Variants in FYN observed in about 807,000 individuals in gnomAD.
FYN encodes the protein tyrosine-protein kinase Fyn.
FYN carries 10 observed loss-of-function variants against 70.2 expected under a neutral mutation model. The observed-to-expected ratio is 0.14, with a 90% CI of 0.09 to 0.24. FYN has a LOEUF of 0.24. FYN is among the 10% of genes least tolerant of loss of function. The pLI is 1.00. For missense variants in FYN, 319 were observed against 673.1 expected, an observed-to-expected ratio of 0.47 and a Z score of 5.82; for synonymous variants, 236 against 248.6, an observed-to-expected ratio of 0.95 and a Z score of 0.48.
At chr6:111,723,428 A>G (rs1801045664) in intron 3 of FYN, among the ~76,000 whole-genome samples, 1 of 152,244 alleles carries the variant, frequency 6.6e-6, no homozygotes, top group Non-Finnish European at 1.5e-5. Context: ...TATAGAAGAG[A>G]CAGCACCATC....
intron 3 of FYN, among the ~76,000 whole-genome samples, chr6:111,731,398 A>G (rs1258361154): frequency 6.6e-6 from 1 of 152,150 alleles, no homozygotes; most frequent in Non-Finnish European, 1.5e-5. Flanking sequence ...CTGATCATTT[A>G]TCTGGTTATG....
chr6:111,810,706 C>A (rs951237390), intron 2 of FYN, among the ~76,000 whole-genome samples: 14 of 152,164 alleles, frequency 9.2e-5, no homozygotes, highest in Non-Finnish European at 1.9e-4. Context: ...TCCACACATG[C>A]CTACACACCC....
intron 2 of FYN, among the ~76,000 whole-genome samples, chr6:111,828,669 T>C (rs941703950): frequency 1.3e-5 from 2 of 152,222 alleles, no homozygotes; most frequent in Admixed American, 6.5e-5. Flanking sequence ...ACACATTCTA[T>C]ATGATCCACT....
intron 4 of FYN, 42 bp downstream of exon 4, chr6:111,719,763 G>A: frequency 6.3e-7 from 1 of 1,593,900 alleles, no homozygotes; most frequent in Non-Finnish European, 8.6e-7. Flanking sequence ...AGATTTAAGG[G>A]TGGCTGCCCC....
intron 2 of FYN, among the ~76,000 whole-genome samples, chr6:111,799,167 G>A (rs1771906417): frequency 6.6e-6 from 1 of 152,174 alleles, no homozygotes; most frequent in Non-Finnish European, 1.5e-5. Flanking sequence ...TTTAGGAAGG[G>A]TGATTCTAAA....
At chr6:111,828,354 C>A (rs1343210549) in intron 2 of FYN, among the ~76,000 whole-genome samples, 2 of 152,032 alleles carry the variant, frequency 1.3e-5, no homozygotes, top group Non-Finnish European at 2.9e-5. Context: ...AACAGTAGTT[C>A]CTTAAAAAAT....
chr6:111,719,895 AGTT>A lies in FYN; in HGVS notation c.154_156del (p.Asn52del). The A allele has an allele frequency of 6.2e-7, 1 of 1,614,118 alleles. No individual in the cohort carries two copies. The highest frequency in any genetic ancestry group is 8.5e-7 in the Non-Finnish European group (1 of 1,180,010). ...AGTCCTTGGCCCCCGGCTGCGTGGA[AGTT>A]GTTGTAGTTGGGGATGGAGGTCACA... On this transcript the variant is annotated inframe_deletion, in exon 4 of 14. Transcript: ENST00000354650.
At chr6:111,752,066 A>T (rs887883402) in intron 3 of FYN, among the ~76,000 whole-genome samples, 1 of 152,254 alleles carries the variant, frequency 6.6e-6, no homozygotes, top group Non-Finnish European at 1.5e-5. Flanking sequence ...CTGGATGTTT[A>T]TTACTAAGGC....
At chr6:111,793,424 T>C (rs1205338411) in intron 2 of FYN, among the ~76,000 whole-genome samples, 1 of 152,132 alleles carries the variant, frequency 6.6e-6, no homozygotes, top group Non-Finnish European at 1.5e-5. Flanking sequence ...CATCCCCAGA[T>C]GAGAAAGCCC....
At chr6:111,748,297 G>A (rs923715009) in intron 3 of FYN, among the ~76,000 whole-genome samples, 1 of 152,154 alleles carries the variant, frequency 6.6e-6, no homozygotes, top group Non-Finnish European at 1.5e-5. Context: ...CACAGGAAAC[G>A]GCTGCAGCTG....
rs527934732 is a variant in FYN, at chr6:111,773,118, A to G, written c.-12+7448T>C. Among the ~76,000 whole-genome samples the G allele has an allele frequency of 9.3e-4, 140 of 150,542 alleles. 1 individual carries two copies. The highest frequency in any genetic ancestry group is 3.3e-3 in the African/African-American group (135 of 41,098). ...TATAATTTATATATATAATTAGAAG[A>G]GGGAATAAAGCAAATGCTGCAAATG... On this transcript the variant is annotated intron_variant, in intron 3 of 13. Coordinates refer to ENST00000354650, the MANE Select transcript of FYN (RefSeq NM_002037.5).
chr6:111,694,267 T>A lies in FYN; in HGVS notation c.1273+108A>T. 1 of 1,401,144 alleles carries A rather than the reference T, an allele frequency of 7.1e-7. No individual in the cohort carries two copies. Among genetic ancestry groups the A allele is most frequent in the Non-Finnish European group, 9.9e-7 (1 of 1,012,922 alleles). The allele number at this position is 1,401,144 out of a possible 1,614,324, so 86.8% of individuals were successfully genotyped here. Reference sequence around the variant, plus strand: ...GTCCAAACCAAGCTGAAGAATGACATTTCAAGTATTTTCTGAAGGAAGGGA... The same window carrying A: ...GTCCAAACCAAGCTGAAGAATGACAATTCAAGTATTTTCTGAAGGAAGGGA... On this transcript the variant is annotated intron_variant, in intron 12 of 13. Coordinates refer to ENST00000354650, the MANE Select transcript of FYN (RefSeq NM_002037.5). This position sits in a 1 kb window ranked among gnomAD's most constrained non-coding sequence, Gnocchi z 5.0.
chr6:111,790,824 G>T (rs1011862454), intron 2 of FYN, among the ~76,000 whole-genome samples: 156 of 151,992 alleles, frequency 1.0e-3, no homozygotes, highest in African/African-American at 3.7e-3. Context: ...TCCATCAAAA[G>T]AATACCTAAT....
rs1461270797 is a variant in FYN at position 111,803,450 on chromosome 6, G to A, written c.-81-22815C>T. Among the ~76,000 whole-genome samples the A allele has an allele frequency of 2.0e-5, 3 of 152,014 alleles. No individual in the cohort carries two copies. In the East Asian group the frequency reaches 5.8e-4, roughly 29 times the overall value. ...TTATTCCTAAACTACTCTGAATTGA[G>A]GACTGCAAATTATAAAACTGATCAG... On this transcript the variant is annotated intron_variant, in intron 2 of 13. Coordinates refer to ENST00000354650, the MANE Select transcript of FYN (RefSeq NM_002037.5).
chr6:111,850,882 G>A lies in FYN; in HGVS notation c.-122-4253C>T, dbSNP rs552301945. On this transcript the variant is annotated intron_variant, in intron 1 of 13. Transcript: ENST00000354650. ...GGACCCAGCTCAGACAAGGCCCTCT[G>A]TTGTGGAGCATTCCTCATTGCCACG... 1.1e-4 allele frequency among the ~76,000 whole-genome samples: 16 copies of A among 152,328 alleles called. 1 individual carries two copies. The South Asian group carries it at 3.3e-3, about 32-fold the overall frequency.
chr6:111,837,488 T>G (rs1038150641), intron 2 of FYN, among the ~76,000 whole-genome samples: 1 of 152,192 alleles, frequency 6.6e-6, no homozygotes, highest in Non-Finnish European at 1.5e-5. Flanking sequence ...GACAGGTGCC[T>G]TCCCTCTTGC....
chr6:111,703,053 A>G lies in FYN; in HGVS notation c.548-19T>C. On this transcript the variant is annotated intron_variant, in intron 7 of 13. Transcript: ENST00000354650. The stretch of plus-strand genomic sequence containing the variant: ...TAGGCACCTGGTAAACGTGGAAAGC[A>G]TTAGCAGCTCCAATCATTTAGAGTA... 1 of 1,611,598 alleles carries G rather than the reference A, an allele frequency of 6.2e-7. No individual in the cohort carries two copies. Among genetic ancestry groups the G allele is most frequent in the Non-Finnish European group, 8.5e-7 (1 of 1,178,870 alleles).
chr6:111,699,608 A>C, intron 9 of FYN: 1 of 1,614,182 alleles, frequency 6.2e-7, no homozygotes, highest in African/African-American at 1.3e-5. Context: ...GCCAATCCAG[A>C]AGTTTGTGGG....
At chr6:111,720,229 G>C (rs1415611826) in intron 3 of FYN, among the ~76,000 whole-genome samples, 167 bp from the exon 4 acceptor site, 1 of 152,162 alleles carries the variant, frequency 6.6e-6, no homozygotes, top group Non-Finnish European at 1.5e-5. Flanking sequence ...AGGAAGTTCA[G>C]TTCCTTGACC....
Sources: gnomAD v4.1 joint callset for allele counts (sites outside exome capture counted in the v4.1 genomes callset) on GRCh38, gnomAD v4.1.1 for gene constraint, Gnocchi (gnomAD v3.1) non-coding constraint, MANE v1.5 for transcripts, NCBI Gene and HGNC (gene_info 2026-07-23, HGNC 2026-07-21) for gene names.